The following SMYD3 variants were observed in gnomAD, a reference collection of about 807,000 sequenced individuals.
The protein encoded by SMYD3 is SET and MYND domain containing 3, also known as histone-lysine N-methyltransferase SMYD3.
A neutral mutation model predicts 57.7 loss-of-function variants in SMYD3; 36 were observed. The observed-to-expected ratio is 0.62, with a 90% CI of 0.48 to 0.82. The LOEUF is 0.82. SMYD3 is among the 40% of genes least tolerant of loss of function. The pLI is 0.00. For missense variants in SMYD3, 515 were observed against 538.8 expected, an observed-to-expected ratio of 0.96 and a Z score of 0.44; for synonymous variants, 211 against 195.0, an observed-to-expected ratio of 1.08 and a Z score of -0.68.
At chr1:246,370,926 G>A (rs2148730236) in intron 1 of SMYD3, among the ~76,000 whole-genome samples, 1 of 152,292 alleles carries the variant, frequency 6.6e-6, no homozygotes, top group African/African-American at 2.4e-5. Context: ...AAGTTTTAAT[G>A]TGATCAGAAT....
chr1:246,448,172 G>A (rs1048039803), intron 1 of SMYD3, among the ~76,000 whole-genome samples: 2 of 152,120 alleles, frequency 1.3e-5, no homozygotes, highest in Admixed American at 6.5e-5. Context: ...AGCCAAGATC[G>A]CGCCATTGCA....
chr1:245,911,626 T>C (rs574158994), intron 8 of SMYD3, among the ~76,000 whole-genome samples: 8 of 152,190 alleles, frequency 5.3e-5, no homozygotes, highest in East Asian at 1.9e-4. Flanking sequence ...ATGTGAAATA[T>C]GCCAGGCACA....
intron 7 of SMYD3, among the ~76,000 whole-genome samples, chr1:245,920,699 T>C (rs760017779): frequency 8.5e-5 from 13 of 152,264 alleles, no homozygotes; most frequent in Non-Finnish European, 1.6e-4. Flanking sequence ...AAATAAGCAA[T>C]GAGCAAAGGA....
chr1:245,997,406 T>G (rs566818930), intron 5 of SMYD3, among the ~76,000 whole-genome samples: 1 of 152,362 alleles, frequency 6.6e-6, no homozygotes, highest in Admixed American at 6.5e-5. Context: ...CGCTTGCTGC[T>G]GGGAGACACA....
At chr1:245,808,587 C>T (rs1164634374) in intron 10 of SMYD3, among the ~76,000 whole-genome samples, 1 of 152,172 alleles carries the variant, frequency 6.6e-6, no homozygotes, top group Non-Finnish European at 1.5e-5. Flanking sequence ...CCACTTTCCC[C>T]TTTCTCAAGC....
At chr1:246,010,797 C>G (rs550976419) in intron 5 of SMYD3, among the ~76,000 whole-genome samples, 1 of 152,318 alleles carries the variant, frequency 6.6e-6, no homozygotes, top group African/African-American at 2.4e-5. Flanking sequence ...CTATGGATAT[C>G]TGCGTCATCT....
At chr1:246,037,834 G>C (rs1476931532) in intron 5 of SMYD3, among the ~76,000 whole-genome samples, 1 of 152,262 alleles carries the variant, frequency 6.6e-6, no homozygotes, top group East Asian at 1.9e-4. Flanking sequence ...CTGGTTTGTT[G>C]GTCTTTTCAT....
At chr1:246,395,274 G>A (rs1455522163) in intron 1 of SMYD3, among the ~76,000 whole-genome samples, 9 of 152,304 alleles carry the variant, frequency 5.9e-5, no homozygotes, top group Admixed American at 5.2e-4. Context: ...AGCTCTAAAT[G>A]CCAAAGTCCA....
intron 10 of SMYD3, among the ~76,000 whole-genome samples, chr1:245,775,659 T>C (rs1459095605): frequency 2.0e-5 from 3 of 150,706 alleles, no homozygotes; most frequent in African/African-American, 7.3e-5. Context: ...ACTATTGTCC[T>C]ATGACCCTGC....
chr1:246,013,374 T>G (rs1177350696), intron 5 of SMYD3, among the ~76,000 whole-genome samples: 1 of 152,078 alleles, frequency 6.6e-6, no homozygotes, highest in African/African-American at 2.4e-5. Flanking sequence ...GGGATGGGGC[T>G]TCACCATGTT....
At chr1:246,241,970 G>C (rs568369537) in intron 5 of SMYD3, among the ~76,000 whole-genome samples, 57 of 152,086 alleles carry the variant, frequency 3.7e-4, no homozygotes, top group Non-Finnish European at 6.8e-4. Flanking sequence ...GCATCTATTT[G>C]ATTCTTCTCT....
chr1:246,181,465 C>T (rs1451638243), intron 5 of SMYD3, among the ~76,000 whole-genome samples: 1 of 152,220 alleles, frequency 6.6e-6, no homozygotes, highest in African/African-American at 2.4e-5. Context: ...AATGGCAGTA[C>T]ATCTGACATC....
intron 5 of SMYD3, among the ~76,000 whole-genome samples, chr1:246,036,190 T>C (rs921166727): frequency 1.3e-5 from 2 of 152,214 alleles, no homozygotes; most frequent in African/African-American, 2.4e-5. Flanking sequence ...TCATTTCACA[T>C]TGGATTTGCC....
At chr1:246,363,344 G>T (rs1173224786) in intron 1 of SMYD3, among the ~76,000 whole-genome samples, 1 of 151,944 alleles carries the variant, frequency 6.6e-6, no homozygotes, top group Non-Finnish European at 1.5e-5. Context: ...CGGGAGGTGA[G>T]GGGCGCCTCT....
Position 246,219,575 on chromosome 1 carries a change from G to T in SMYD3, c.531+107626C>A, listed in dbSNP as rs1349040330. On this transcript the variant is annotated intron_variant, in intron 5 of 11. Coordinates refer to ENST00000490107, the MANE Select transcript of SMYD3 (RefSeq NM_001167740.2). Reference sequence around the variant, plus strand: ...GGAGCCATGAGTGTGAAGACAAAAAGGTTGTCACACTGACCCTTTGCCCTC... The same window carrying T: ...GGAGCCATGAGTGTGAAGACAAAAATGTTGTCACACTGACCCTTTGCCCTC... Among the ~76,000 whole-genome samples the T allele has an allele frequency of 3.3e-5, 5 of 152,154 alleles. No homozygotes were observed. In the East Asian group the frequency reaches 7.7e-4, roughly 23 times the overall value.
intron 1 of SMYD3, among the ~76,000 whole-genome samples, chr1:246,384,045 TA>T (rs1022546429): frequency 1.3e-4 from 20 of 151,458 alleles, no homozygotes; most frequent in South Asian, 2.1e-4. Flanking sequence ...AAACAACCAT[TA>T]AAAAAAAGGA....
At chr1:246,008,788 C>T (rs1424397466) in intron 5 of SMYD3, among the ~76,000 whole-genome samples, 2 of 152,180 alleles carry the variant, frequency 1.3e-5, no homozygotes, top group African/African-American at 4.8e-5. Context: ...AAATAAGAGC[C>T]TCTCCTTTGC....
At position 245,903,420 on chromosome 1, in the gene SMYD3, C is replaced by T. The variant is rs75325935; in HGVS notation, c.813+12110G>A. 4.5e-3 allele frequency among the ~76,000 whole-genome samples: 680 copies of T among 152,244 alleles called. 6 individuals are homozygous for T. Among genetic ancestry groups the T allele is most frequent in the African/African-American group, 0.016 (661 of 41,544 alleles). On this transcript the variant is annotated intron_variant, in intron 8 of 11. Transcript: ENST00000490107. ...TAAAAGTCAGAGAAAACAGGCAGAG[C>T]AAGATGCTGGAATAGAAAGCTTCAC...
intron 10 of SMYD3, among the ~76,000 whole-genome samples, chr1:245,828,194 T>C (rs562530246): frequency 3.3e-5 from 5 of 152,330 alleles, no homozygotes; most frequent in African/African-American, 1.2e-4. Context: ...GCTTGCTCCT[T>C]AAGACGGGCC....
Sources: gnomAD v4.1 joint callset for allele counts (sites outside exome capture counted in the v4.1 genomes callset) on GRCh38, gnomAD v4.1.1 for gene constraint, MANE v1.5 for transcripts, NCBI Gene and HGNC (gene_info 2026-07-23, HGNC 2026-07-21) for gene names.